The following MEGF11 variants were observed in gnomAD, a reference collection of about 807,000 sequenced individuals.
The protein encoded by MEGF11 is multiple EGF like domains 11.
MEGF11 carries 126 observed loss-of-function variants against 146.6 expected under a neutral mutation model. That is an observed-to-expected ratio of 0.86 (90% CI 0.74 to 1.00). The LOEUF is 1.00. MEGF11 is among the 50% of genes least tolerant of loss of function. The pLI, the probability that MEGF11 is intolerant of heterozygous loss-of-function variation, is 0.00. For synonymous variants in MEGF11, 532 were observed against 583.4 expected (o/e 0.91, Z 1.27); for missense variants, 1,509 against 1,521.2 (o/e 0.99, Z 0.13).
chr15:66,233,377 A>T (rs1451013025), intron 1 of MEGF11, among the ~76,000 whole-genome samples: 2 of 152,102 alleles, frequency 1.3e-5, no homozygotes, highest in Non-Finnish European at 2.9e-5. Context: ...CTGGGATTAC[A>T]GGTGCCCACC....
chr15:66,194,276 A>C (rs899251564), intron 1 of MEGF11, among the ~76,000 whole-genome samples: 2 of 152,194 alleles, frequency 1.3e-5, no homozygotes, highest in Non-Finnish European at 2.9e-5. Flanking sequence ...GTTCTTACTC[A>C]TAAATGGGAG....
chr15:65,922,033 A>G (rs1280380605), intron 15 of MEGF11: 2 of 389,156 alleles, frequency 5.1e-6, no homozygotes, highest in South Asian at 5.1e-5. Context: ...TCTGATGCAG[A>G]TCTCTGTGCT....
In MEGF11 at chr15:66,079,651, A is replaced by G. The variant is rs1205163255; in HGVS notation, c.394+14751T>C. Among the ~76,000 whole-genome samples, 4 of 150,478 alleles carry G rather than the reference A, an allele frequency of 2.7e-5. No individual in the cohort carries two copies. In the East Asian group the frequency reaches 6.0e-4, roughly 22 times the overall value. ...CCTCATAGACAAGGAACGAATCTCC[A>G]GGTTGGCCACTCTCAGATTCCCTAG... On this transcript the variant is annotated intron_variant, in intron 5 of 25. Transcript: ENST00000395614.
intron 10 of MEGF11, among the ~76,000 whole-genome samples, chr15:65,942,741 G>A (rs1229832295): frequency 6.6e-6 from 1 of 152,066 alleles, no homozygotes; most frequent in African/African-American, 2.4e-5. Context: ...CTGAGGGGCT[G>A]GGGGTGAGGA....
At chr15:65,917,869 G>A (rs2079052218) in intron 16 of MEGF11, 97 bp downstream of exon 16, 1 of 1,453,176 alleles carries the variant, frequency 6.9e-7, no homozygotes, top group African/African-American at 1.4e-5. Context: ...TTCATCCCTG[G>A]AAGTGGAGGC....
Position 66,208,468 on chromosome 15 carries a change from GA to G in MEGF11, c.-9+45136del, listed in dbSNP as rs141265329. Among the ~76,000 whole-genome samples the G allele has an allele frequency of 3.3e-5, 5 of 152,106 alleles. No individual in the cohort carries two copies. In the South Asian group the frequency reaches 1.0e-3, roughly 32 times the overall value. ...AGAAAACAAAAATAAAATGATAAAT[GA>G]AAAATGTATCAATAATTACATCAAA... is the stretch of plus-strand genomic sequence containing the variant. On this transcript the variant is annotated intron_variant, in intron 1 of 25. Transcript: ENST00000395614.
At chr15:65,964,283 C>T (rs181599899) in intron 9 of MEGF11, among the ~76,000 whole-genome samples, 155 of 152,318 alleles carry the variant, frequency 1.0e-3, no homozygotes, top group South Asian at 2.1e-3. Context: ...AAGCCACAAA[C>T]GACACAGAGT....
chr15:66,244,512 G>C (rs2092266546), intron 1 of MEGF11, among the ~76,000 whole-genome samples: 1 of 152,134 alleles, frequency 6.6e-6, no homozygotes, highest in South Asian at 2.1e-4. Flanking sequence ...AGAACTTCAG[G>C]AAGATGTATG....
chr15:66,242,416 AAAG>A, intron 1 of MEGF11, among the ~76,000 whole-genome samples: 1 of 144,350 alleles, frequency 6.9e-6, no homozygotes. Flanking sequence ...CTAAAAAAAA[AAAG>A]AAAGAAAGAA....
chr15:65,990,611 A>C lies in MEGF11; in HGVS notation c.395-8123T>G, dbSNP rs928071522. ...AGAAAGAAAGAAAAGAAAAGAAAAG[A>C]AAAAAAAGAAAAGAAAAAAAGAGAA... On this transcript the variant is annotated intron_variant, in intron 5 of 25. Coordinates refer to ENST00000395614, the MANE Select transcript of MEGF11 (RefSeq NM_001385028.1). Among the ~76,000 whole-genome samples the C allele has an allele frequency of 3.6e-5, 5 of 137,460 alleles. No homozygotes were observed. The East Asian group carries it at 1.4e-3, about 39-fold the overall frequency. The allele number at this position is 137,460 out of a possible 152,430, so 90.2% of individuals were successfully genotyped here.
chr15:66,087,695 C>T (rs934638176), intron 5 of MEGF11, among the ~76,000 whole-genome samples: 8 of 152,146 alleles, frequency 5.3e-5, no homozygotes, highest in African/African-American at 1.4e-4. Flanking sequence ...GTTCATAGCC[C>T]TAAACGCCTT....
intron 5 of MEGF11, among the ~76,000 whole-genome samples, chr15:66,069,000 G>A (rs940752839): frequency 5.9e-5 from 9 of 152,210 alleles, no homozygotes; most frequent in Non-Finnish European, 1.0e-4. Context: ...AGTGTGCTTG[G>A]TCACTGGGTG....
chr15:65,972,826 A>C (rs1481206017), intron 7 of MEGF11, among the ~76,000 whole-genome samples: 1 of 152,144 alleles, frequency 6.6e-6, no homozygotes, highest in Non-Finnish European at 1.5e-5. Context: ...TTTCCATCAA[A>C]AAGAATTACT....
intron 4 of MEGF11, among the ~76,000 whole-genome samples, chr15:66,096,834 C>T (rs571425974): frequency 8.1e-4 from 124 of 152,278 alleles, no homozygotes; most frequent in Non-Finnish European, 1.3e-3. Context: ...AACAGCCTTC[C>T]GGTGCTCTGA....
At chr15:66,197,831 AT>A (rs1245540161) in intron 1 of MEGF11, among the ~76,000 whole-genome samples, 2 of 152,134 alleles carry the variant, frequency 1.3e-5, no homozygotes, top group Non-Finnish European at 2.9e-5. Flanking sequence ...ATTTCTTCCA[AT>A]AAGGACCTCT....
intron 7 of MEGF11, among the ~76,000 whole-genome samples, chr15:65,978,477 A>G (rs1035329116): frequency 6.6e-6 from 1 of 152,248 alleles, no homozygotes; most frequent in Non-Finnish European, 1.5e-5. Flanking sequence ...TGTCATCTGG[A>G]AAAACAAACC....
chr15:66,045,587 C>T (rs571889533), intron 5 of MEGF11, among the ~76,000 whole-genome samples: 6 of 152,268 alleles, frequency 3.9e-5, no homozygotes, highest in East Asian at 1.9e-4. Flanking sequence ...AAGACTAGTC[C>T]GGGCCAGCAG....
chr15:66,016,075 G>T (rs956118317), intron 5 of MEGF11, among the ~76,000 whole-genome samples: 1 of 151,932 alleles, frequency 6.6e-6, no homozygotes, highest in African/African-American at 2.4e-5. Flanking sequence ...AGAGGGCAAA[G>T]AATTAGCTAT....
chr15:66,220,013 G>T (rs999241166), intron 1 of MEGF11, among the ~76,000 whole-genome samples: 8 of 152,018 alleles, frequency 5.3e-5, no homozygotes, highest in Non-Finnish European at 7.4e-5. Context: ...TTAAAATAAG[G>T]TCATACTGGA....
Sources: allele counts gnomAD v4.1 joint callset (sites outside exome capture counted in the v4.1 genomes callset), GRCh38; gene constraint gnomAD v4.1.1; transcripts MANE v1.5; gene names NCBI Gene and HGNC (gene_info 2026-07-23, HGNC 2026-07-21).